SCN11A: variants seen among roughly 807,000 people sequenced by gnomAD.
SCN11A encodes sodium channel protein type 11 subunit alpha.
A neutral mutation model predicts 162.2 loss-of-function variants in SCN11A; 122 were observed. The observed-to-expected ratio is 0.75, with a 90% CI of 0.65 to 0.87. The LOEUF is 0.87. SCN11A is among the 40% of genes least tolerant of loss of function. SCN11A has a pLI of 0.00. For synonymous variants in SCN11A, 758 were observed against 751.5 expected (o/e 1.01, Z -0.14); for missense variants, 2,015 against 2,181.6 (o/e 0.92, Z 1.52).
intron 29 of SCN11A, among the ~76,000 whole-genome samples, chr3:38,848,342 G>A (rs1172838524): frequency 6.6e-6 from 1 of 152,160 alleles, no homozygotes; most frequent in Admixed American, 6.5e-5. Flanking sequence ...GAACATGCTT[G>A]TCTTGTGTAG....
intron 7 of SCN11A, among the ~76,000 whole-genome samples, chr3:38,929,056 T>G (rs1482386261): frequency 3.3e-5 from 5 of 151,870 alleles, no homozygotes; most frequent in Non-Finnish European, 7.4e-5. Context: ...GCCAGATAAG[T>G]AGACAATCTC....
chr3:38,912,099 C>T (rs1183575469), intron 11 of SCN11A, among the ~76,000 whole-genome samples: 1 of 152,156 alleles, frequency 6.6e-6, no homozygotes, highest in Non-Finnish European at 1.5e-5. Context: ...ATCCATTGTG[C>T]CCTCTTTCTC....
intron 2 of SCN11A, among the ~76,000 whole-genome samples, chr3:38,966,528 T>C (rs1336152207): frequency 6.6e-6 from 1 of 152,236 alleles, no homozygotes; most frequent in Non-Finnish European, 1.5e-5. Flanking sequence ...GTTGCATGCA[T>C]AGAATGTGTA....
intron 2 of SCN11A, among the ~76,000 whole-genome samples, chr3:39,027,438 G>A (rs1171464748): frequency 6.6e-6 from 1 of 152,198 alleles, no homozygotes; most frequent in African/African-American, 2.4e-5. Context: ...AGGGGTCAGT[G>A]CATGATAGTG....
At position 38,897,139 on chromosome 3, in the gene SCN11A, G is replaced by C. The variant is rs746649203; in HGVS notation, c.2109C>G (p.Ser703Arg). 1.9e-6 allele frequency: 3 copies of C among 1,614,152 alleles called. No homozygotes were observed. The highest frequency in any genetic ancestry group is 3.3e-5 in the Admixed American group (2 of 60,026). ...IIGNSVGALG[S>R]LTVVLVIVIF... ...TCACAATGACCAGGACCACAGTCAGGCTTCCAAGGGCTCCGACAGAGTTGC... is the reference window on the plus strand; with the variant it reads ...TCACAATGACCAGGACCACAGTCAGCCTTCCAAGGGCTCCGACAGAGTTGC... The change falls in exon 18 of 30, where the codon AGC (serine) becomes AGG (arginine). Residue 703 changes from serine (S) to arginine (R), a missense_variant. Transcript: ENST00000302328.
chr3:39,003,505 T>C (rs2030878657), intron 2 of SCN11A, among the ~76,000 whole-genome samples: 1 of 152,264 alleles, frequency 6.6e-6, no homozygotes, highest in Admixed American at 6.5e-5. Context: ...CATGTATGTG[T>C]CTTTATGGTA....
intron 2 of SCN11A, among the ~76,000 whole-genome samples, chr3:39,023,586 G>A (rs542180026): frequency 6.6e-6 from 1 of 151,524 alleles, no homozygotes; most frequent in Admixed American, 6.6e-5. Context: ...AAAAAATCAA[G>A]CAGAATATAA....
chr3:39,016,862 C>T (rs1419530645), intron 2 of SCN11A, among the ~76,000 whole-genome samples: 1 of 152,216 alleles, frequency 6.6e-6, no homozygotes, highest in Non-Finnish European at 1.5e-5. Context: ...TTCAGCCTTT[C>T]ACAGTGCTGG....
chr3:38,907,922 A>G (rs756748293), intron 14 of SCN11A, 27 bp downstream of exon 14: 9 of 1,571,426 alleles, frequency 5.7e-6, no homozygotes, highest in African/African-American at 1.4e-5. Flanking sequence ...GCAATATGGT[A>G]TCATTAATTC....
At chr3:38,975,376 T>C (rs1329896147) in intron 2 of SCN11A, among the ~76,000 whole-genome samples, 1 of 152,118 alleles carries the variant, frequency 6.6e-6, no homozygotes, top group Non-Finnish European at 1.5e-5. Context: ...ATAGTAATAA[T>C]GTCTAATAGA....
chr3:38,902,524 T>C (rs1452393949), intron 16 of SCN11A, among the ~76,000 whole-genome samples: 1 of 147,464 alleles, frequency 6.8e-6, no homozygotes, highest in Admixed American at 6.7e-5. Flanking sequence ...AGTGGGTTCT[T>C]TTTTTTTTTT....
chr3:38,846,940 C>T lies in SCN11A; in HGVS notation c.5130G>A (p.Lys1710=), dbSNP rs1165605079. 1.9e-6 allele frequency: 3 copies of T among 1,614,126 alleles called. No individual in the cohort carries two copies. Among genetic ancestry groups the T allele is most frequent in the Non-Finnish European group, 2.5e-6 (3 of 1,179,992 alleles). ...LDSMKAMMEE[K]FMEANPLKKL... ...TCTTGAGAGGATTGGCTTCCATGAACTTCTCTTCCATCATTGCTTTCATAC... is the reference window on the plus strand; with the variant it reads ...TCTTGAGAGGATTGGCTTCCATGAATTTCTCTTCCATCATTGCTTTCATAC... Residue 1710 remains lysine (K), a synonymous_variant, in exon 30 of 30, where the codon AAG becomes AAA. Coordinates refer to ENST00000302328, the MANE Select transcript of SCN11A (RefSeq NM_001349253.2).
chr3:38,925,730 T>G (rs918460670), intron 8 of SCN11A, among the ~76,000 whole-genome samples: 2 of 152,234 alleles, frequency 1.3e-5, no homozygotes, highest in African/African-American at 4.8e-5. Context: ...CCTTCATACG[T>G]GGACACAGAT....
Position 38,863,218 on chromosome 3 carries a change from G to T in SCN11A, c.4033C>A (p.Gln1345Lys), listed in dbSNP as rs751009800. The T allele has an allele frequency of 1.9e-6, 3 of 1,597,980 alleles. No homozygotes were observed. The highest frequency in any genetic ancestry group is 2.6e-6 in the Non-Finnish European group (3 of 1,165,656). Residue 1345 changes from glutamine (Q) to lysine (K), a missense_variant, in exon 28 of 30, where the codon CAA becomes AAA. Transcript: ENST00000302328. ...ACCAGAGGCCGTGGAATGGGTTTTT[G>T]AGGTTTTTTGGATCCTAATTTTTTC... ...AMKKLGSKKP[Q>K]KPIPRPLNKC...
At chr3:39,037,061 T>C (rs1441234494) in intron 1 of SCN11A, among the ~76,000 whole-genome samples, 2 of 152,178 alleles carry the variant, frequency 1.3e-5, no homozygotes, top group African/African-American at 2.4e-5. Context: ...TAGCCAAGAT[T>C]TGGAATCAAC....
chr3:39,048,915 C>T (rs1444843986), intron 1 of SCN11A, among the ~76,000 whole-genome samples: 1 of 152,200 alleles, frequency 6.6e-6, no homozygotes, highest in East Asian at 1.9e-4. Flanking sequence ...AGGCCAACAC[C>T]AGTATCAGTC....
chr3:39,040,658 A>C (rs1015921124), intron 1 of SCN11A, among the ~76,000 whole-genome samples: 1 of 152,242 alleles, frequency 6.6e-6, no homozygotes, highest in African/African-American at 2.4e-5. Context: ...CTGAATGAGA[A>C]ATTCAACAAA....
chr3:38,885,755 TGTCTCACCTCCTGGA>T (rs1384140260), intron 20 of SCN11A, among the ~76,000 whole-genome samples: 1 of 152,232 alleles, frequency 6.6e-6, no homozygotes, highest in Non-Finnish European at 1.5e-5. Flanking sequence ...AATTTTCCAC[TGTCTCACCTCCTGGA>T]ATAATAGGCC....
At chr3:38,917,638 A>G (rs2065979527) in intron 11 of SCN11A, among the ~76,000 whole-genome samples, 1 of 152,202 alleles carries the variant, frequency 6.6e-6, no homozygotes, top group African/African-American at 2.4e-5. Flanking sequence ...CACACAGTGG[A>G]GAACAATAGA....
Sources: gnomAD v4.1 joint callset for allele counts (sites outside exome capture counted in the v4.1 genomes callset) on GRCh38, gnomAD v4.1.1 for gene constraint, MANE v1.5 for transcripts, NCBI Gene and HGNC (gene_info 2026-07-23, HGNC 2026-07-21) for gene names.